The following ANKRD66 variants were observed in gnomAD, a reference collection of about 807,000 sequenced individuals.
ANKRD66 encodes the protein ankyrin repeat domain-containing protein 66.
Under a neutral mutation model 10.9 loss-of-function variants are expected in ANKRD66, and 10 were observed. The observed-to-expected ratio is 0.91, with a 90% CI of 0.56 to 1.55. The LOEUF is 1.55. ANKRD66 is among the 40% of genes most tolerant of loss of function. The pLI, the probability that ANKRD66 is intolerant of heterozygous loss-of-function variation, is 0.00. For synonymous variants in ANKRD66, 85 were observed against 88.4 expected (o/e 0.96, Z 0.22); for missense variants, 252 against 242.9 (o/e 1.04, Z -0.25).
rs774845304 is a variant in ANKRD66, at chr6:46,750,010, A to G, written c.-13+31A>G. On this transcript the variant is annotated intron_variant, in intron 2 of 4. Coordinates refer to ENST00000565422, the MANE Select transcript of ANKRD66 (RefSeq NM_001162435.3). ...TCTGGGGCTGAGCACAATAATTTGC[A>G]TTTCTAACAAGTTCCCAGGGGCTGC... The G allele has an allele frequency of 8.2e-6, 10 of 1,219,816 alleles. No homozygotes were observed. The East Asian group carries it at 2.5e-4, about 31-fold the overall frequency. 75.6% of individuals were successfully genotyped at this position (1,219,816 alleles called of 1,614,324 possible). A position where few individuals can be genotyped will look rare whatever the true frequency, so the allele number is the denominator to read the frequency against.
intron 2 of ANKRD66, among the ~76,000 whole-genome samples, chr6:46,751,231 C>A (rs904243947): frequency 2.6e-5 from 4 of 152,098 alleles, no homozygotes; most frequent in African/African-American, 9.7e-5. Context: ...TTTGAGCCAT[C>A]AGAACAATTG....
At chr6:46,749,550 TCCCCCCCCCCCCCCCCCGC>T (rs1766218767) in intron 1 of ANKRD66, among the ~76,000 whole-genome samples, 1 of 57,068 alleles carries the variant, frequency 1.8e-5, no homozygotes, top group African/African-American at 7.2e-5. Flanking sequence ...TCTCTTTTAT[TCCCCCCCCCCCCCCCCCGC>T]TTTTTTCTTT....
At chr6:46,751,224 G>C (rs942754239) in intron 2 of ANKRD66, among the ~76,000 whole-genome samples, 1 of 152,112 alleles carries the variant, frequency 6.6e-6, no homozygotes, top group African/African-American at 2.4e-5. Flanking sequence ...TATTGCTTTT[G>C]AGCCATCAGA....
At chr6:46,756,754 C>T (rs938673608) in intron 4 of ANKRD66, 7 of 152,136 alleles carry the variant, frequency 4.6e-5, no homozygotes, top group South Asian at 2.1e-4. Flanking sequence ...CCACTTAATT[C>T]GGTATTTAAT....
intron 4 of ANKRD66, among the ~76,000 whole-genome samples, chr6:46,755,720 CAA>C (rs1212346614): frequency 6.6e-6 from 1 of 151,958 alleles, no homozygotes; most frequent in Non-Finnish European, 1.5e-5. Flanking sequence ...ATCAAACAAA[CAA>C]AAAGTTAGAG....
At chr6:46,747,188 A>C (rs945119051) in intron 1 of ANKRD66, among the ~76,000 whole-genome samples, 198 bp downstream of exon 1, 3 of 152,244 alleles carry the variant, frequency 2.0e-5, no homozygotes, top group Admixed American at 2.0e-4. Flanking sequence ...CCAATTGATA[A>C]ATTTCAGTAG....
Position 46,749,905 on chromosome 6 carries a change from C to G in ANKRD66, c.-87C>G. ...CTTTCTCTCCCTCCAGGGCTGTTCT[C>G]ACATTTCAATGCACTCACCTGGAGG... On this transcript the variant is annotated 5_prime_UTR_variant, in exon 2 of 5. Transcript: ENST00000565422. The G allele has an allele frequency of 6.4e-7, 1 of 1,550,706 alleles. No homozygotes were observed. Among genetic ancestry groups the G allele is most frequent in the Non-Finnish European group, 8.7e-7 (1 of 1,146,454 alleles).
intron 3 of ANKRD66, 26 bp from the exon 4 acceptor site, chr6:46,753,696 T>A: frequency 6.6e-7 from 1 of 1,524,204 alleles, no homozygotes; most frequent in South Asian, 1.3e-5. Flanking sequence ...CCTAACCTCA[T>A]CCTGTTTCTT....
At chr6:46,754,413 T>A (rs368035502) in intron 4 of ANKRD66, among the ~76,000 whole-genome samples, 3 of 152,228 alleles carry the variant, frequency 2.0e-5, no homozygotes, top group African/African-American at 7.2e-5. Context: ...GTGAATGCCC[T>A]ATTTACACAC....
In ANKRD66 at chr6:46,752,121, C is replaced by T. The variant is rs1766283570; in HGVS notation, c.163+10C>T. 1.4e-6 allele frequency: 2 copies of T among 1,466,870 alleles called. No individual in the cohort carries two copies. The highest frequency in any genetic ancestry group is 1.8e-6 in the Non-Finnish European group (2 of 1,110,728). 90.9% of individuals were successfully genotyped at this position (1,466,870 alleles called of 1,614,324 possible). On this transcript the variant is annotated intron_variant, in intron 3 of 4. Transcript: ENST00000565422. Reference sequence around the variant, plus strand: ...TGGGCTGCAATCAAAGGTGAGTGGGCAATGCTTAGGTAGATCTGCCCTTTT... The same window carrying T: ...TGGGCTGCAATCAAAGGTGAGTGGGTAATGCTTAGGTAGATCTGCCCTTTT...
At chr6:46,748,885 G>A (rs1220902407) in intron 1 of ANKRD66, among the ~76,000 whole-genome samples, 2 of 152,160 alleles carry the variant, frequency 1.3e-5, no homozygotes, top group African/African-American at 2.4e-5. Context: ...GTACCGTTGT[G>A]AGAACTTGTT....
At chr6:46,758,522 G>A in intron 4 of ANKRD66, 1 of 440,206 alleles carries the variant, frequency 2.3e-6, no homozygotes, top group Non-Finnish European at 4.0e-6. Flanking sequence ...ATCTCACTCG[G>A]GTCCCACAAT....
chr6:46,753,697 C>T (rs1303409373), intron 3 of ANKRD66, 25 bp from the exon 4 acceptor site: 2 of 1,524,694 alleles, frequency 1.3e-6, no homozygotes, highest in African/African-American at 2.8e-5. Flanking sequence ...CTAACCTCAT[C>T]CTGTTTCTTT....
chr6:46,747,502 T>C (rs1446223393), intron 1 of ANKRD66, among the ~76,000 whole-genome samples: 2 of 152,240 alleles, frequency 1.3e-5, no homozygotes, highest in Admixed American at 6.5e-5. Context: ...GTCTACATTC[T>C]AGCTATCTAG....
chr6:46,750,476 G>C (rs538558628), intron 2 of ANKRD66, among the ~76,000 whole-genome samples: 2 of 151,832 alleles, frequency 1.3e-5, no homozygotes, highest in South Asian at 4.2e-4. Context: ...CTTAATAGAA[G>C]ACAGCTGGAT....
chr6:46,756,946 T>C (rs1232107139), intron 4 of ANKRD66: 1 of 152,226 alleles, frequency 6.6e-6, no homozygotes, highest in Non-Finnish European at 1.5e-5. Flanking sequence ...GGCTGTCCTC[T>C]ACTGACTCTC....
At chr6:46,755,933 T>G (rs1267320140) in intron 4 of ANKRD66, 2 of 174,644 alleles carry the variant, frequency 1.1e-5, no homozygotes, top group African/African-American at 4.8e-5. Flanking sequence ...TCATAAAATT[T>G]ACCATATTAA....
intron 1 of ANKRD66, 37 bp from the exon 2 acceptor site, chr6:46,749,859 A>C: frequency 1.3e-6 from 2 of 1,539,856 alleles, no homozygotes; most frequent in Non-Finnish European, 1.8e-6. Flanking sequence ...AGGGCATTGC[A>C]TTTTAATTAC....
intron 4 of ANKRD66, 85 bp downstream of exon 4, chr6:46,754,035 G>T (rs1361701841): frequency 8.4e-7 from 1 of 1,197,316 alleles, no homozygotes. Flanking sequence ...GTGGTCTCAG[G>T]TCAATGAAAA....
Sources: allele counts gnomAD v4.1 joint callset (sites outside exome capture counted in the v4.1 genomes callset), GRCh38; gene constraint gnomAD v4.1.1; transcripts MANE v1.5; gene names NCBI Gene and HGNC (gene_info 2026-07-23, HGNC 2026-07-21).